The following GPNMB variants were observed in gnomAD, a reference collection of about 807,000 sequenced individuals.
GPNMB encodes transmembrane glycoprotein NMB.
Under a neutral mutation model 57.3 loss-of-function variants are expected in GPNMB, and 71 were observed. The ratio of observed to expected loss-of-function variants is 1.24; its 90% confidence interval spans 1.02 to 1.51. The LOEUF (loss-of-function observed/expected upper bound fraction) is 1.51. Among genes scored for constraint, GPNMB ranks in the 40% most tolerant of loss-of-function variants. The pLI, the probability that GPNMB is intolerant of heterozygous loss-of-function variation, is 0.00. For missense variants in GPNMB, 677 were observed against 691.9 expected (o/e 0.98, Z 0.24); for synonymous variants, 253 against 263.2 (o/e 0.96, Z 0.38).
chr7:23,255,308 C>T (rs192892963), intron 3 of GPNMB, among the ~76,000 whole-genome samples: 8 of 152,320 alleles, frequency 5.3e-5, no homozygotes, highest in Admixed American at 2.6e-4. Context: ...TGAGCCACCG[C>T]GCCCAGTCAG....
At chr7:23,253,548 C>T (rs1782707379) in intron 2 of GPNMB, 89 bp downstream of exon 2, 6 of 1,106,302 alleles carry the variant, frequency 5.4e-6, no homozygotes, top group South Asian at 3.1e-5. Context: ...ACACGGCTCA[C>T]GTCATTTCCA....
intron 6 of GPNMB, among the ~76,000 whole-genome samples, chr7:23,263,818 C>T (rs960785906): frequency 1.1e-4 from 16 of 151,932 alleles, no homozygotes; most frequent in African/African-American, 3.9e-4. Context: ...TCCAGCTGTA[C>T]AGGCCATATT....
chr7:23,266,693 A>C, intron 7 of GPNMB, 78 bp downstream of exon 7: 1 of 1,370,180 alleles, frequency 7.3e-7, no homozygotes, highest in South Asian at 1.3e-5. Context: ...GCTAACTCTG[A>C]AGGGGTAGAG....
chr7:23,272,955 A>ACTT (rs1033158497), intron 9 of GPNMB: 2 of 151,720 alleles, frequency 1.3e-5, no homozygotes, highest in African/African-American at 4.9e-5. Context: ...GCAATCCTTG[A>ACTT]CTTCTGCCTC....
chr7:23,254,897 A>G (rs9639460), intron 3 of GPNMB, among the ~76,000 whole-genome samples: 113,924 of 152,108 alleles, frequency 0.75, 43,969 homozygotes, highest in African/African-American at 0.94. Flanking sequence ...ATGGCCGGAT[A>G]CCATGGCTCA....
chr7:23,259,638 A>G (rs970319811), intron 4 of GPNMB, among the ~76,000 whole-genome samples: 2 of 152,240 alleles, frequency 1.3e-5, no homozygotes, highest in African/African-American at 4.8e-5. Flanking sequence ...TCATCATTAT[A>G]TTAAATGTAT....
At chr7:23,249,051 A>G (rs1444633623) in intron 1 of GPNMB, among the ~76,000 whole-genome samples, 1 of 152,208 alleles carries the variant, frequency 6.6e-6, no homozygotes, top group Non-Finnish European at 1.5e-5. Context: ...TGCTAGGACT[A>G]CAGGCATGAG....
chr7:23,252,464 G>A (rs1389889072), intron 1 of GPNMB, among the ~76,000 whole-genome samples: 1 of 152,146 alleles, frequency 6.6e-6, no homozygotes, highest in African/African-American at 2.4e-5. Flanking sequence ...TAAACACTAA[G>A]CATTCATATC....
chr7:23,251,610 AT>A (rs1274741019), intron 1 of GPNMB, among the ~76,000 whole-genome samples: 1 of 152,174 alleles, frequency 6.6e-6, no homozygotes, highest in African/African-American at 2.4e-5. Flanking sequence ...GTTTCCTCAG[AT>A]TTGTGTCCTC....
intron 9 of GPNMB, 106 bp downstream of exon 9, chr7:23,270,281 A>T (rs959390196): frequency 2.8e-6 from 2 of 704,166 alleles, no homozygotes; most frequent in Non-Finnish European, 4.8e-6. Flanking sequence ...ATTCTATTTC[A>T]GTACAAAATT....
rs758850651 is a variant in GPNMB at position 23,275,102 on chromosome 7, G to C, written c.*878G>C. 1.4e-4 allele frequency: 21 copies of C among 151,810 alleles called. No homozygotes were observed. Among genetic ancestry groups the C allele is most frequent in the Non-Finnish European group, 1.5e-4 (10 of 67,984 alleles). 9.4% of individuals were successfully genotyped at this position (151,810 alleles called of 1,614,324 possible). A position where few individuals can be genotyped will look rare whatever the true frequency, so the allele number is the denominator to read the frequency against. Reference sequence around the variant, plus strand: ...CTTCCTGAAAAATAAAGTGTGGGAAGAGACAAGACCTTGGTATTGTAATTA... The same window carrying C: ...CTTCCTGAAAAATAAAGTGTGGGAACAGACAAGACCTTGGTATTGTAATTA... On this transcript the variant is annotated 3_prime_UTR_variant, in exon 11 of 11. Transcript: ENST00000258733.
intron 10 of GPNMB, 141 bp from the exon 11 acceptor site, chr7:23,273,924 A>G (rs1215903384): frequency 3.2e-6 from 2 of 634,876 alleles, no homozygotes; most frequent in Non-Finnish European, 5.4e-6. Context: ...ATGTACTTTC[A>G]TAAGACACCA....
rs538872659 is a variant in GPNMB, at chr7:23,251,592, T to C, written c.71-1715T>C. On this transcript the variant is annotated intron_variant, in intron 1 of 10. Coordinates refer to ENST00000258733, the MANE Select transcript of GPNMB (RefSeq NM_002510.3). ...TCTTTCCACTCTGACACCCTTAATG[T>C]GTTAGCTGTTTCCTCAGATTTGTGT... Among the ~76,000 whole-genome samples the C allele has an allele frequency of 2.0e-5, 3 of 152,342 alleles. No homozygotes were observed. In the East Asian group the frequency reaches 5.8e-4, roughly 29 times the overall value.
Position 23,269,964 on chromosome 7 carries a change from C to T in GPNMB, c.1221-3C>T, listed in dbSNP as rs756485101. 1.9e-6 allele frequency: 3 copies of T among 1,612,846 alleles called. No individual in the cohort carries two copies. The highest frequency in any genetic ancestry group is 2.5e-6 in the Non-Finnish European group (3 of 1,178,906). ...GCGCCCTCGCCCACCTCCCCTGTCG[C>T]AGCATTCCCACGGAGGTCTGTACCA... On this transcript the variant is annotated splice_region_variant and splice_polypyrimidine_tract_variant and intron_variant, in intron 8 of 10. Transcript: ENST00000258733.
intron 3 of GPNMB, 81 bp downstream of exon 3, chr7:23,254,393 G>C: frequency 2.6e-6 from 3 of 1,135,036 alleles, no homozygotes; most frequent in Middle Eastern, 2.3e-4. Flanking sequence ...GTAAGTGCCA[G>C]ATGCTGATCT....
rs984729762 is a variant in GPNMB, at chr7:23,257,259, C to T, written c.541+194C>T. 1.0e-4 allele frequency: 62 copies of T among 616,584 alleles called. No homozygotes were observed. The Admixed American group carries it at 1.2e-3, about 12-fold the overall frequency. 38.2% of individuals were successfully genotyped at this position (616,584 alleles called of 1,614,324 possible). A position where few individuals can be genotyped will look rare whatever the true frequency, so the allele number is the denominator to read the frequency against. ...TAACCTTGCCAAATCTCCAGGACACCGAAGAGTTAAAAAGAGAGAAAAACA... is the reference window on the plus strand; with the variant it reads ...TAACCTTGCCAAATCTCCAGGACACTGAAGAGTTAAAAAGAGAGAAAAACA... On this transcript the variant is annotated intron_variant, in intron 4 of 10. Transcript: ENST00000258733.
At chr7:23,265,966 T>G (rs964162853) in intron 6 of GPNMB, among the ~76,000 whole-genome samples, 2 of 151,156 alleles carry the variant, frequency 1.3e-5, no homozygotes, top group African/African-American at 4.9e-5. Flanking sequence ...AACCTTTTTT[T>G]GAGACGGAGT....
intron 1 of GPNMB, 138 bp downstream of exon 1, chr7:23,247,065 C>T (rs1447873998): frequency 9.9e-6 from 7 of 707,676 alleles, no homozygotes; most frequent in African/African-American, 7.0e-5. Context: ...ATCTCTTCTT[C>T]TGCAAACTGT....
At chr7:23,259,106 A>G (rs1017699264) in intron 4 of GPNMB, among the ~76,000 whole-genome samples, 6 of 152,240 alleles carry the variant, frequency 3.9e-5, no homozygotes, top group Admixed American at 3.3e-4. Context: ...GGAATGACTC[A>G]GGGGTGTCCT....
Sources: allele counts gnomAD v4.1 joint callset (sites outside exome capture counted in the v4.1 genomes callset), GRCh38; gene constraint gnomAD v4.1.1; transcripts MANE v1.5; gene names NCBI Gene and HGNC (gene_info 2026-07-23, HGNC 2026-07-21).